Variants in DACH2 observed in about 807,000 individuals in gnomAD.
The protein encoded by DACH2 is dachshund family transcription factor 2, also known as dachshund homolog 2.
DACH2 carries 17 observed loss-of-function variants against 35.8 expected under a neutral mutation model. That is an observed-to-expected ratio of 0.48 (90% CI 0.33 to 0.71). DACH2 has a LOEUF of 0.71. Ranked by LOEUF, DACH2 falls within the 30% of genes least tolerant of loss-of-function variation. DACH2 has a pLI of 0.02. For synonymous variants in DACH2, 195 were observed against 177.3 expected (o/e 1.10, Z -0.79); for missense variants, 469 against 472.7 (o/e 0.99, Z 0.07).
chrX:86,825,984 G>T (rs966326350), intron 11 of DACH2, among the ~76,000 whole-genome samples: 1 of 111,730 alleles, frequency 9.0e-6, no homozygotes, highest in Non-Finnish European at 1.9e-5. Context: ...CATACTATCT[G>T]ATAAGTATGG....
At chrX:86,433,760 G>C (rs777814845) in intron 2 of DACH2, among the ~76,000 whole-genome samples, 1 of 111,574 alleles carries the variant, frequency 9.0e-6, no homozygotes, top group Non-Finnish European at 1.9e-5. Flanking sequence ...AATTAGGCTA[G>C]GAAATTAAGC....
intron 1 of DACH2, among the ~76,000 whole-genome samples, chrX:86,200,365 A>G (rs1311162807): frequency 9.0e-6 from 1 of 111,675 alleles, no homozygotes; most frequent in Admixed American, 9.6e-5. Context: ...CATTCTAGAC[A>G]TAGGATCAGG....
At chrX:86,411,438 C>T (rs2036612743) in intron 2 of DACH2, among the ~76,000 whole-genome samples, 1 of 110,203 alleles carries the variant, frequency 9.1e-6, no homozygotes, top group African/African-American at 3.3e-5. Flanking sequence ...ATCACAGGTC[C>T]ACTCCTTGTC....
At chrX:86,579,969 C>T (rs1276892375) in intron 3 of DACH2, among the ~76,000 whole-genome samples, 2 of 111,516 alleles carry the variant, frequency 1.8e-5, no homozygotes, top group African/African-American at 6.5e-5. Flanking sequence ...TGGCATGCAC[C>T]ACCCAGAGGA....
chrX:86,695,860 A>G (rs2041063259), intron 5 of DACH2, among the ~76,000 whole-genome samples: 1 of 110,943 alleles, frequency 9.0e-6, no homozygotes, highest in Non-Finnish European at 1.9e-5. Flanking sequence ...GAAGTCACCT[A>G]ACCTTTCCAA....
At chrX:86,361,327 C>A (rs1361236691) in intron 1 of DACH2, among the ~76,000 whole-genome samples, 1 of 111,246 alleles carries the variant, frequency 9.0e-6, no homozygotes, top group Non-Finnish European at 1.9e-5. Context: ...AATAATGATA[C>A]ATTTTTCAGT....
At chrX:86,495,084 G>C (rs1465407445) in intron 2 of DACH2, among the ~76,000 whole-genome samples, 2 of 111,056 alleles carry the variant, frequency 1.8e-5, no homozygotes, top group East Asian at 5.6e-4. Context: ...GTCTTGCTCT[G>C]TCACCCAGGC....
At chrX:86,180,175 C>CATATAT (rs1569292909) in intron 1 of DACH2, among the ~76,000 whole-genome samples, 11 of 15,592 alleles carry the variant, frequency 7.1e-4, no homozygotes, top group African/African-American at 2.6e-3. Flanking sequence ...CATGCTAAAC[C>CATATAT]GTATATATAT....
chrX:86,722,511 G>A (rs189584982), intron 6 of DACH2, among the ~76,000 whole-genome samples: 2 of 84,028 alleles, frequency 2.4e-5, no homozygotes, highest in East Asian at 6.6e-4. Context: ...ACCATGCCTG[G>A]CTAATGTGTT....
intron 1 of DACH2, among the ~76,000 whole-genome samples, chrX:86,203,113 A>G (rs187658762): frequency 3.1e-4 from 35 of 111,486 alleles, no homozygotes; most frequent in Non-Finnish European, 5.3e-4. Flanking sequence ...AGTATAAAGA[A>G]TTTATAGATT....
chrX:86,546,418 T>TTCC (rs1368469867), intron 3 of DACH2, among the ~76,000 whole-genome samples: 6 of 33,876 alleles, frequency 1.8e-4, no homozygotes, highest in African/African-American at 4.7e-4. Flanking sequence ...CTTCTTCTTC[T>TTCC]TTCTTCTTCT....
At chrX:86,489,218 C>A (rs1441479489) in intron 2 of DACH2, among the ~76,000 whole-genome samples, 3 of 110,243 alleles carry the variant, frequency 2.7e-5, no homozygotes, top group South Asian at 3.8e-4. Context: ...TCCTATTGCA[C>A]CTCATTCATA....
intron 2 of DACH2, among the ~76,000 whole-genome samples, chrX:86,505,233 C>T (rs1346617613): frequency 8.9e-6 from 1 of 111,750 alleles, no homozygotes; most frequent in Non-Finnish European, 1.9e-5. Context: ...TAACTGCAAA[C>T]ATAGCAACAA....
intron 1 of DACH2, among the ~76,000 whole-genome samples, chrX:86,177,922 T>C (rs1437860277): frequency 9.0e-6 from 1 of 111,399 alleles, no homozygotes; most frequent in Non-Finnish European, 1.9e-5. Context: ...GTCCTAAGTG[T>C]TGTAGAAAGA....
chrX:86,166,022 T>C (rs754879039), intron 1 of DACH2, among the ~76,000 whole-genome samples: 31 of 111,766 alleles, frequency 2.8e-4, no homozygotes, highest in Non-Finnish European at 4.5e-4. Flanking sequence ...TGGTGAGACA[T>C]AGGAATCTAG....
chrX:86,711,408 G>A (rs2041278127), intron 5 of DACH2, among the ~76,000 whole-genome samples: 2 of 111,555 alleles, frequency 1.8e-5, no homozygotes, highest in African/African-American at 6.5e-5. Flanking sequence ...AAATAAAAAA[G>A]TAAATTAAAT....
At chrX:86,151,856 T>C (rs908519242) in intron 1 of DACH2, among the ~76,000 whole-genome samples, 1 of 110,553 alleles carries the variant, frequency 9.0e-6, no homozygotes, top group East Asian at 2.9e-4. Flanking sequence ...CAAAGTAAGG[T>C]AGATGAGACT....
chrX:86,477,587 G>T (rs1345190619), intron 2 of DACH2, among the ~76,000 whole-genome samples: 1 of 109,031 alleles, frequency 9.2e-6, no homozygotes, highest in Non-Finnish European at 1.9e-5. Context: ...ACAGGCAGCA[G>T]ATCATTGGGT....
intron 1 of DACH2, among the ~76,000 whole-genome samples, chrX:86,158,179 T>C (rs988942313): frequency 1.1e-4 from 12 of 111,902 alleles, no homozygotes; most frequent in Non-Finnish European, 1.7e-4. Context: ...GATGATAAGA[T>C]GGGATGCATT....
Sources: gnomAD v4.1 joint callset for allele counts (sites outside exome capture counted in the v4.1 genomes callset) on GRCh38, gnomAD v4.1.1 for gene constraint, MANE v1.5 for transcripts, NCBI Gene and HGNC (gene_info 2026-07-23, HGNC 2026-07-21) for gene names.